The following GRXCR1 variants were observed in gnomAD, a reference collection of about 807,000 sequenced individuals.
GRXCR1 encodes the protein glutaredoxin domain-containing cysteine-rich protein 1.
A neutral mutation model predicts 27.3 loss-of-function variants in GRXCR1; 27 were observed. That is an observed-to-expected ratio of 0.99 (90% CI 0.73 to 1.37). The LOEUF (loss-of-function observed/expected upper bound fraction) is 1.37, where lower values mean the gene tolerates loss of function less well. Ranked by LOEUF, GRXCR1 falls within the 40% of genes most tolerant of loss-of-function variation. GRXCR1 has a pLI of 0.00. For missense variants in GRXCR1, 379 were observed against 354.4 expected (o/e 1.07, Z -0.56); for synonymous variants, 122 against 131.1 (o/e 0.93, Z 0.47).
Position 42,952,174 on chromosome 4 carries a change from A to G in GRXCR1, c.385-10718A>G, listed in dbSNP as rs375483615. ...GTTTTTCATGATCAGAATTGATAGC[A>G]TATCCCAAACAAATGTGAAGGGCAG... On this transcript the variant is annotated intron_variant, in intron 1 of 3. Transcript: ENST00000399770. 2.6e-5 allele frequency among the ~76,000 whole-genome samples: 4 copies of G among 152,178 alleles called. No homozygotes were observed. The East Asian group carries it at 7.7e-4, about 29-fold the overall frequency.
intron 3 of GRXCR1, among the ~76,000 whole-genome samples, chr4:43,027,163 A>G (rs1385347193): frequency 1.3e-5 from 2 of 152,238 alleles, no homozygotes; most frequent in Non-Finnish European, 2.9e-5. Context: ...ATGGCTAATA[A>G]TAACTAACTG....
chr4:42,896,824 C>A (rs1334470988), intron 1 of GRXCR1, among the ~76,000 whole-genome samples: 1 of 152,052 alleles, frequency 6.6e-6, no homozygotes, highest in African/African-American at 2.4e-5. Context: ...ACTTGTTATT[C>A]ATTCTTTTGA....
At chr4:43,025,455 A>T (rs1713224701) in intron 3 of GRXCR1, among the ~76,000 whole-genome samples, 1 of 152,174 alleles carries the variant, frequency 6.6e-6, no homozygotes, top group African/African-American at 2.4e-5. Context: ...TTTAAAACTC[A>T]CTCACAGGAA....
intron 1 of GRXCR1, 123 bp downstream of exon 1, chr4:42,893,773 C>T: frequency 1.1e-6 from 1 of 915,554 alleles, no homozygotes; most frequent in South Asian, 1.3e-5. Context: ...ATGAGACGCT[C>T]CTCCACCTAA....
At chr4:42,978,993 C>T (rs1748587945) in intron 2 of GRXCR1, among the ~76,000 whole-genome samples, 1 of 151,996 alleles carries the variant, frequency 6.6e-6, no homozygotes, top group East Asian at 1.9e-4. Context: ...GAAGAAGGTG[C>T]CTTGCTTCTC....
At chr4:42,909,338 A>G (rs1324116123) in intron 1 of GRXCR1, among the ~76,000 whole-genome samples, 2 of 152,252 alleles carry the variant, frequency 1.3e-5, no homozygotes, top group East Asian at 3.9e-4. Flanking sequence ...ATTAGTGAAG[A>G]CTACAAATTA....
intron 2 of GRXCR1, among the ~76,000 whole-genome samples, chr4:42,974,384 T>G (rs774754508): frequency 2.6e-5 from 4 of 152,066 alleles, no homozygotes; most frequent in Non-Finnish European, 5.9e-5. Context: ...TGAACAAGAT[T>G]TCATAATTTT....
intron 1 of GRXCR1, among the ~76,000 whole-genome samples, chr4:42,931,879 A>G (rs1747319138): frequency 6.6e-6 from 1 of 151,958 alleles, no homozygotes; most frequent in African/African-American, 2.4e-5. Context: ...GGTTTAATTG[A>G]CCCACAGTTC....
Position 42,893,335 on chromosome 4 carries a change from T to C in GRXCR1, c.69T>C (p.Ser23=). 2 of 1,613,764 alleles carry C rather than the reference T, an allele frequency of 1.2e-6. No individual in the cohort carries two copies. Among genetic ancestry groups the C allele is most frequent in the Non-Finnish European group, 1.7e-6 (2 of 1,179,800 alleles). ...AAGTCCGGTTTCGGATCGCGTCCTC[T>C]CACAGTGGGCGAGTTCTGAAGGAAG... ...PRKVRFRIAS[S]HSGRVLKEVY... is the part of the protein sequence containing the mutation. Residue 23 remains serine, a synonymous_variant, in exon 1 of 4, where the codon TCT becomes TCC. Coordinates refer to ENST00000399770, the MANE Select transcript of GRXCR1 (RefSeq NM_001080476.3).
At chr4:42,919,268 T>C (rs1217886678) in intron 1 of GRXCR1, among the ~76,000 whole-genome samples, 3 of 152,140 alleles carry the variant, frequency 2.0e-5, no homozygotes, top group Admixed American at 2.0e-4. Context: ...GTCTTTATTA[T>C]GTCCCTAAAT....
chr4:42,974,604 C>T (rs539845259), intron 2 of GRXCR1, among the ~76,000 whole-genome samples: 5 of 152,140 alleles, frequency 3.3e-5, no homozygotes, highest in South Asian at 2.1e-4. Context: ...TTTATAGGGC[C>T]GGTTTCAGTC....
chr4:43,028,726 A>G (rs559486337), intron 3 of GRXCR1, among the ~76,000 whole-genome samples: 2 of 152,096 alleles, frequency 1.3e-5, no homozygotes, highest in African/African-American at 4.8e-5. Flanking sequence ...TCTTTTTTCT[A>G]TTTTAATATT....
chr4:42,990,092 G>T (rs1711913872), intron 2 of GRXCR1, among the ~76,000 whole-genome samples: 1 of 147,462 alleles, frequency 6.8e-6, no homozygotes, highest in Admixed American at 6.8e-5. Flanking sequence ...ATTCTGTTTT[G>T]GTCTTTATTG....
chr4:43,002,757 C>T (rs1712416368), intron 2 of GRXCR1, among the ~76,000 whole-genome samples: 1 of 151,848 alleles, frequency 6.6e-6, no homozygotes, highest in Admixed American at 6.6e-5. Flanking sequence ...TTAAAATTTC[C>T]AGGGACAAAA....
chr4:42,899,047 C>T (rs1193754654), intron 1 of GRXCR1, among the ~76,000 whole-genome samples: 6 of 152,120 alleles, frequency 3.9e-5, no homozygotes, highest in Admixed American at 3.9e-4. Flanking sequence ...CCTGTGACCA[C>T]CTTGCACATA....
At chr4:42,987,770 C>A (rs911184287) in intron 2 of GRXCR1, among the ~76,000 whole-genome samples, 3 of 152,042 alleles carry the variant, frequency 2.0e-5, no homozygotes, top group Non-Finnish European at 4.4e-5. Flanking sequence ...TAAAATAATT[C>A]TAGGGATTCA....
At chr4:43,003,374 G>C (rs2109798019) in intron 2 of GRXCR1, among the ~76,000 whole-genome samples, 1 of 152,296 alleles carries the variant, frequency 6.6e-6, no homozygotes, top group East Asian at 1.9e-4. Flanking sequence ...GGAAAGTGGG[G>C]CATTGCTATA....
intron 2 of GRXCR1, among the ~76,000 whole-genome samples, chr4:43,010,021 A>G (rs183993132): frequency 1.7e-3 from 256 of 152,210 alleles, no homozygotes; most frequent in African/African-American, 6.0e-3. Flanking sequence ...ACTCTTCTAT[A>G]TTGTTGTACC....
chr4:42,954,296 C>T (rs1444177377), intron 1 of GRXCR1, among the ~76,000 whole-genome samples: 3 of 152,066 alleles, frequency 2.0e-5, no homozygotes, highest in East Asian at 1.9e-4. Flanking sequence ...TAGAAGAAAG[C>T]GTAGGGATGA....
Sources: allele counts gnomAD v4.1 joint callset (sites outside exome capture counted in the v4.1 genomes callset), GRCh38; gene constraint gnomAD v4.1.1; transcripts MANE v1.5; gene names NCBI Gene and HGNC (gene_info 2026-07-23, HGNC 2026-07-21).